The following GALNT14 variants were observed in gnomAD, a reference collection of about 807,000 sequenced individuals.
The protein encoded by GALNT14 is UDP-GalNAc:polypeptide N-acetylgalactosaminyltransferase 14.
In GALNT14, 60 loss-of-function variants were observed where a neutral mutation model predicts 77.5. That is an observed-to-expected ratio of 0.77 (90% CI 0.63 to 0.96). The LOEUF is 0.96. Ranked by LOEUF, GALNT14 falls within the 40% of genes least tolerant of loss-of-function variation. GALNT14 has a pLI of 0.00. For synonymous variants in GALNT14, 280 were observed against 281.7 expected (o/e 0.99, Z 0.06); for missense variants, 710 against 731.0 (o/e 0.97, Z 0.33).
intron 1 of GALNT14, among the ~76,000 whole-genome samples, chr2:31,088,181 GGA>G (rs1477018827): frequency 2.6e-5 from 4 of 152,228 alleles, no homozygotes; most frequent in African/African-American, 4.8e-5. Context: ...AGAGGCCACT[GGA>G]GTGGGATGAA....
Position 30,958,475 on chromosome 2 carries a change from G to A in GALNT14, c.399-11C>T, listed in dbSNP as rs1558442313. The A allele has an allele frequency of 1.2e-6, 2 of 1,611,728 alleles. No homozygotes were observed. Among genetic ancestry groups the A allele is most frequent in the Admixed American group, 1.7e-5 (1 of 59,740 alleles). On this transcript the variant is annotated splice_polypyrimidine_tract_variant and intron_variant, in intron 3 of 14. Transcript: ENST00000349752. ...GTGCGGTTTAATACACTGCAAGATG[G>A]AAACAGAAAAAAATCACTGGAACTT...
intron 2 of GALNT14, among the ~76,000 whole-genome samples, chr2:30,980,718 C>T (rs1310839192): frequency 2.6e-5 from 4 of 152,246 alleles, no homozygotes; most frequent in African/African-American, 9.6e-5. Context: ...ATGGCAATGA[C>T]CTCTTCACCC....
In GALNT14 at chr2:30,962,727, G is replaced by A. The variant is rs74857666; in HGVS notation, c.398+3477C>T. ...GTCCCCAGCTAACTCCAGAGCTTAG[G>A]GGGCCAGAGGGTCTGGGCAGGGGGG... On this transcript the variant is annotated intron_variant, in intron 3 of 14. Transcript: ENST00000349752. 0.013 allele frequency among the ~76,000 whole-genome samples: 1,949 copies of A among 152,272 alleles called. 128 individuals are homozygous for A. In the East Asian group the frequency reaches 0.21, roughly 17 times the overall value.
At chr2:30,967,344 T>G (rs982559239) in intron 2 of GALNT14, among the ~76,000 whole-genome samples, 3 of 152,218 alleles carry the variant, frequency 2.0e-5, no homozygotes, top group Non-Finnish European at 4.4e-5. Context: ...CTAAAGCATT[T>G]AAGATCCTTA....
chr2:30,887,020 T>C, the GALNT14 span, among the ~76,000 whole-genome samples: 1 of 152,264 alleles, frequency 6.6e-6, no homozygotes, highest in African/African-American at 2.4e-5. Context: ...CAAAATGTTT[T>C]TGAGGTTCAT....
chr2:30,924,363 T>A, intron 12 of GALNT14, 100 bp from the exon 13 acceptor site: 1 of 1,298,372 alleles, frequency 7.7e-7, no homozygotes, highest in Non-Finnish European at 1.1e-6. Flanking sequence ...ATGGCAGGGC[T>A]GGGCTGTTAG....
At chr2:30,944,822 G>C (rs533593653) in intron 8 of GALNT14, 36 bp downstream of exon 8, 1 of 1,485,420 alleles carries the variant, frequency 6.7e-7, no homozygotes, top group African/African-American at 1.4e-5. Context: ...CAGTGGTGAT[G>C]GTCTGCCCAC....
At chr2:30,911,149 T>G in intron 14 of GALNT14, 90 bp from the exon 15 acceptor site, 2 of 1,201,926 alleles carry the variant, frequency 1.7e-6, no homozygotes, top group Non-Finnish European at 1.2e-6. Flanking sequence ...GCCTCATGTC[T>G]AGGGTCACTG....
chr2:31,001,424 C>T (rs927362706), intron 1 of GALNT14, among the ~76,000 whole-genome samples: 4 of 152,118 alleles, frequency 2.6e-5, no homozygotes, highest in Non-Finnish European at 5.9e-5. Flanking sequence ...GTAAAGGTCA[C>T]TGAGAAAATA....
chr2:31,074,618 C>A (rs908137348), intron 1 of GALNT14, among the ~76,000 whole-genome samples: 1 of 152,036 alleles, frequency 6.6e-6, no homozygotes, highest in African/African-American at 2.4e-5. Flanking sequence ...TTTCATCCTG[C>A]AGTAGTGGCT....
At chr2:30,994,251 TACTA>T (rs1314707964) in intron 1 of GALNT14, among the ~76,000 whole-genome samples, 1 of 152,232 alleles carries the variant, frequency 6.6e-6, no homozygotes, top group Middle Eastern at 3.4e-3. Flanking sequence ...GCTGCATGGG[TACTA>T]ACTAAGGGCA....
At chr2:31,066,623 G>A (rs1674982851) in intron 1 of GALNT14, among the ~76,000 whole-genome samples, 1 of 152,114 alleles carries the variant, frequency 6.6e-6, no homozygotes, top group South Asian at 2.1e-4. Context: ...CAGGATCCCA[G>A]TGGAAAGATA....
chr2:30,956,082 TC>T, intron 4 of GALNT14, 105 bp from the exon 5 acceptor site: 1 of 1,082,398 alleles, frequency 9.2e-7, no homozygotes, highest in Non-Finnish European at 1.4e-6. Context: ...GGCAGCCCTG[TC>T]CACTGTCCCC....
intron 1 of GALNT14, among the ~76,000 whole-genome samples, chr2:31,083,419 C>T (rs116601138): frequency 1.2e-4 from 19 of 152,146 alleles, no homozygotes; most frequent in Non-Finnish European, 2.5e-4. Context: ...TAATCATTAA[C>T]GAGCTGTCTG....
chr2:31,078,131 G>A (rs1573312766), intron 1 of GALNT14, among the ~76,000 whole-genome samples: 1 of 152,248 alleles, frequency 6.6e-6, no homozygotes, highest in East Asian at 1.9e-4. Flanking sequence ...AGTGGAGACA[G>A]TGCAGGTTCT....
At chr2:30,946,382 C>A (rs202207303) in intron 6 of GALNT14, among the ~76,000 whole-genome samples, 3 of 152,120 alleles carry the variant, frequency 2.0e-5, no homozygotes. Context: ...TTAACACTAT[C>A]CCCTTGGTGC....
intron 9 of GALNT14, 122 bp from the exon 10 acceptor site, chr2:30,932,316 T>C (rs1034437272): frequency 5.4e-6 from 5 of 921,856 alleles, no homozygotes; most frequent in African/African-American, 5.1e-5. Context: ...GCAGCCAGTC[T>C]GTAGGCTCCA....
chr2:31,055,975 G>A (rs1180952646), intron 1 of GALNT14, among the ~76,000 whole-genome samples: 2 of 152,192 alleles, frequency 1.3e-5, no homozygotes, highest in African/African-American at 4.8e-5. Flanking sequence ...AGAAAATTAG[G>A]TATGTTGTTT....
rs569797487 is a variant in GALNT14, at chr2:30,943,085, C to T, written c.828-781G>A. Among the ~76,000 whole-genome samples, 97 of 152,300 alleles carry T rather than the reference C, an allele frequency of 6.4e-4. 1 individual carries two copies. Among genetic ancestry groups the T allele is most frequent in the African/African-American group, 2.3e-3 (95 of 41,552 alleles). ...GCCTAGAACAGCCCTCAGAAGGAAG[C>T]AACCCTGTGGACACCTTAATCTCGG... On this transcript the variant is annotated intron_variant, in intron 8 of 14. Transcript: ENST00000349752.
Sources: gnomAD v4.1 joint callset for allele counts (sites outside exome capture counted in the v4.1 genomes callset) on GRCh38, gnomAD v4.1.1 for gene constraint, MANE v1.5 for transcripts, NCBI Gene and HGNC (gene_info 2026-07-23, HGNC 2026-07-21) for gene names.